AFF2: variants seen among roughly 807,000 people sequenced by gnomAD.
The protein encoded by AFF2 is ALF transcription elongation factor 2.
A neutral mutation model predicts 76.9 loss-of-function variants in AFF2; 14 were observed. That is an observed-to-expected ratio of 0.18 (90% confidence interval 0.12 to 0.28). The LOEUF is 0.28. Among genes scored for constraint, AFF2 ranks in the 10% least tolerant of loss-of-function variants. The pLI, the probability that AFF2 is intolerant of heterozygous loss-of-function variation, is 1.00. For missense variants in AFF2, 868 were observed against 1,001.1 expected (o/e 0.87, Z 1.79); for synonymous variants, 398 against 366.7 (o/e 1.09, Z -0.98).
chrX:148,723,209 A>G (rs1387371444), intron 3 of AFF2, among the ~76,000 whole-genome samples: 4 of 112,098 alleles, frequency 3.6e-5, no homozygotes, highest in Non-Finnish European at 7.5e-5. Flanking sequence ...TGGACAGTAG[A>G]AAGGTAGCAG....
At chrX:148,984,187 T>C (rs2072435029) in intron 19 of AFF2, among the ~76,000 whole-genome samples, 1 of 108,635 alleles carries the variant, frequency 9.2e-6, no homozygotes, top group Admixed American at 9.8e-5. Context: ...GCTGGAGGAG[T>C]TTCTTCCAAG....
chrX:148,555,354 A>G (rs1160879569), intron 1 of AFF2, among the ~76,000 whole-genome samples: 2 of 112,347 alleles, frequency 1.8e-5, no homozygotes, highest in Non-Finnish European at 3.8e-5. Flanking sequence ...CCTGTGTTTA[A>G]TTATTCGTTC....
intron 3 of AFF2, among the ~76,000 whole-genome samples, chrX:148,759,828 T>G (rs1557267158): frequency 8.9e-6 from 1 of 112,401 alleles, no homozygotes; most frequent in Admixed American, 9.5e-5. Context: ...TTCCACGATG[T>G]ACTGTGATTA....
intron 3 of AFF2, among the ~76,000 whole-genome samples, chrX:148,803,588 T>TC (rs1201485623): frequency 9.0e-6 from 1 of 111,301 alleles, no homozygotes; most frequent in Non-Finnish European, 1.9e-5. Context: ...ATACCCTCAT[T>TC]CCCCCCATCT....
intron 9 of AFF2, among the ~76,000 whole-genome samples, chrX:148,928,206 G>A (rs1294577044): frequency 2.7e-5 from 3 of 111,991 alleles, no homozygotes; most frequent in Admixed American, 1.9e-4. Flanking sequence ...TCACAAAAGG[G>A]CCATAAAAGT....
chrX:148,953,522 T>A, intron 9 of AFF2, 58 bp from the exon 10 acceptor site: 1 of 1,147,520 alleles, frequency 8.7e-7, no homozygotes, highest in Non-Finnish European at 1.2e-6. Context: ...TGAACTGGGC[T>A]GTTTTCCATC....
At chrX:148,982,140 A>G (rs570359408) in intron 19 of AFF2, among the ~76,000 whole-genome samples, 1 of 111,878 alleles carries the variant, frequency 8.9e-6, no homozygotes, top group African/African-American at 3.2e-5. Flanking sequence ...GCGTTTTTTT[A>G]AAAAAAATTC....
At chrX:148,820,900 A>G (rs782251378) in intron 4 of AFF2, among the ~76,000 whole-genome samples, 9 of 111,799 alleles carry the variant, frequency 8.1e-5, no homozygotes, top group Non-Finnish European at 1.5e-4. Flanking sequence ...TGGAACGTCT[A>G]AAGAGATAGA....
At chrX:148,561,693 C>T (rs782435599) in intron 1 of AFF2, among the ~76,000 whole-genome samples, 2 of 110,867 alleles carry the variant, frequency 1.8e-5, no homozygotes, top group East Asian at 2.8e-4. Flanking sequence ...AGAAGGAATG[C>T]GGTGGAATAC....
chrX:148,524,242 G>A (rs2052635242), intron 1 of AFF2, among the ~76,000 whole-genome samples: 1 of 109,124 alleles, frequency 9.2e-6, no homozygotes, highest in African/African-American at 3.3e-5. Context: ...TGCCCCTATA[G>A]AGAAAAGGAG....
At chrX:148,590,946 G>T (rs187114091) in intron 1 of AFF2, among the ~76,000 whole-genome samples, 1 of 111,687 alleles carries the variant, frequency 9.0e-6, no homozygotes, top group East Asian at 2.8e-4. Flanking sequence ...GGGAGGTTGT[G>T]GTTTATTATA....
intron 3 of AFF2, among the ~76,000 whole-genome samples, chrX:148,735,982 A>G (rs1557265044): frequency 8.9e-6 from 1 of 112,248 alleles, no homozygotes; most frequent in African/African-American, 3.2e-5. Context: ...ATTCAATTGT[A>G]TATCTATACC....
At chrX:148,637,958 A>T (rs2054048838) in intron 1 of AFF2, among the ~76,000 whole-genome samples, 2 of 109,684 alleles carry the variant, frequency 1.8e-5, no homozygotes, top group South Asian at 8.3e-4. Context: ...AGAGCCACAG[A>T]ATAGTCCAGG....
chrX:148,944,077 G>T (rs781893514), intron 9 of AFF2, among the ~76,000 whole-genome samples: 1 of 112,177 alleles, frequency 8.9e-6, no homozygotes, highest in Admixed American at 9.4e-5. Flanking sequence ...GGAAAAAGGC[G>T]GAGGCTTATG....
At chrX:148,505,970 TG>T (rs1239679713) in intron 1 of AFF2, among the ~76,000 whole-genome samples, 25 of 111,199 alleles carry the variant, frequency 2.2e-4, no homozygotes, top group African/African-American at 7.9e-4. Flanking sequence ...TGTGTGTGTG[TG>T]TGTGTGTGTG....
intron 7 of AFF2, among the ~76,000 whole-genome samples, chrX:148,872,448 C>T (rs1557277460): frequency 8.9e-6 from 1 of 112,158 alleles, no homozygotes. Flanking sequence ...TACCATGTGT[C>T]AGTACTTTCT....
At chrX:148,991,158 A>G (rs782368705) in intron 20 of AFF2, 53 bp from the exon 21 acceptor site, 8 of 1,127,146 alleles carry the variant, frequency 7.1e-6, no homozygotes, top group African/African-American at 5.4e-5. Flanking sequence ...AATGTGGTGC[A>G]TATTTTCATG....
chrX:148,945,818 G>A (rs1167549980), intron 9 of AFF2, among the ~76,000 whole-genome samples: 1 of 112,245 alleles, frequency 8.9e-6, no homozygotes. Flanking sequence ...AGTATCCAAG[G>A]TGACACTCAA....
At chrX:148,552,060 C>T (rs782203978) in intron 1 of AFF2, among the ~76,000 whole-genome samples, 26 of 112,793 alleles carry the variant, frequency 2.3e-4, no homozygotes, top group Middle Eastern at 4.6e-3. Flanking sequence ...ACTGTCTTTA[C>T]TACTCTCCTG....
Sources: gnomAD v4.1 joint callset for allele counts (sites outside exome capture counted in the v4.1 genomes callset) on GRCh38, gnomAD v4.1.1 for gene constraint, MANE v1.5 for transcripts, NCBI Gene and HGNC (gene_info 2026-07-23, HGNC 2026-07-21) for gene names.